The following BEND6 variants were observed in gnomAD, a reference collection of about 807,000 sequenced individuals.
BEND6 encodes BEN domain containing 6, also known as BEN domain-containing protein 6.
In BEND6, 24 loss-of-function variants were observed where a neutral mutation model predicts 31.8. The observed-to-expected ratio is 0.75, with a 90% CI of 0.55 to 1.06. The LOEUF is 1.06. Ranked by LOEUF, BEND6 falls within the 50% of genes least tolerant of loss-of-function variation. The pLI is 0.00. For synonymous variants in BEND6, 109 were observed against 114.6 expected (o/e 0.95, Z 0.31); for missense variants, 294 against 327.4 (o/e 0.90, Z 0.79).
chr6:56,970,478 A>C (rs938204695), intron 1 of BEND6, among the ~76,000 whole-genome samples: 1 of 152,126 alleles, frequency 6.6e-6, no homozygotes, highest in African/African-American at 2.4e-5. Flanking sequence ...CACTGCCCCA[A>C]CCACATATTG....
At chr6:56,976,518 T>C (rs1825882197) in intron 1 of BEND6, among the ~76,000 whole-genome samples, 1 of 150,552 alleles carries the variant, frequency 6.6e-6, no homozygotes, top group Non-Finnish European at 1.5e-5. Flanking sequence ...TAAGGCAGAG[T>C]GGAGTGTAGA....
At chr6:56,969,720 G>GT (rs1439042429) in intron 1 of BEND6, among the ~76,000 whole-genome samples, 2 of 151,162 alleles carry the variant, frequency 1.3e-5, no homozygotes, top group African/African-American at 4.9e-5. Context: ...GTTTCCTTAG[G>GT]TTTGGTGACT....
chr6:57,023,189 C>A (rs1287950889), intron 6 of BEND6, among the ~76,000 whole-genome samples: 2 of 152,140 alleles, frequency 1.3e-5, no homozygotes, highest in African/African-American at 2.4e-5. Context: ...AATTTTCTGT[C>A]TGGAGGATCT....
At chr6:57,008,051 A>G (rs1827222598) in intron 3 of BEND6, 1 of 652,922 alleles carries the variant, frequency 1.5e-6, no homozygotes, top group Non-Finnish European at 2.8e-6. Context: ...TCTACTGGTA[A>G]CTAATTTTGT....
At chr6:57,014,529 A>G (rs879453558) in intron 3 of BEND6, 2 of 1,510,424 alleles carry the variant, frequency 1.3e-6, no homozygotes, top group Admixed American at 2.3e-5. Context: ...TGAATGTGTA[A>G]GTTTCCATTT....
intron 6 of BEND6, among the ~76,000 whole-genome samples, chr6:57,020,688 C>T (rs1410998054): frequency 6.6e-6 from 1 of 152,066 alleles, no homozygotes; most frequent in East Asian, 1.9e-4. Flanking sequence ...TCCCAAAGTG[C>T]TGGGATTACA....
At chr6:56,965,614 A>G (rs932778476) in intron 1 of BEND6, among the ~76,000 whole-genome samples, 3 of 150,896 alleles carry the variant, frequency 2.0e-5, no homozygotes, top group Admixed American at 6.6e-5. Context: ...GTAAGCCTTG[A>G]TAGCGCCGCT....
chr6:56,977,894 C>A (rs1436849018), intron 1 of BEND6, among the ~76,000 whole-genome samples: 4 of 152,124 alleles, frequency 2.6e-5, no homozygotes, highest in African/African-American at 9.7e-5. Flanking sequence ...GAGGTCAAGG[C>A]TGAAGTGAGC....
chr6:56,971,913 T>A (rs2127845135), intron 1 of BEND6, among the ~76,000 whole-genome samples: 1 of 152,244 alleles, frequency 6.6e-6, no homozygotes, highest in South Asian at 2.1e-4. Flanking sequence ...GTTGCCTTTT[T>A]AACTCTGTTA....
At chr6:57,005,738 A>C (rs2127879936) in intron 3 of BEND6, among the ~76,000 whole-genome samples, 1 of 151,852 alleles carries the variant, frequency 6.6e-6, no homozygotes, top group African/African-American at 2.4e-5. Flanking sequence ...ATTCATCCCC[A>C]AAATAATCAA....
intron 6 of BEND6, among the ~76,000 whole-genome samples, chr6:57,023,367 T>C (rs890446253): frequency 6.6e-6 from 1 of 152,250 alleles, no homozygotes; most frequent in Admixed American, 6.5e-5. Context: ...TTCCTTATTA[T>C]TATAAGTGAC....
chr6:57,017,372 A>G lies in BEND6; in HGVS notation c.685A>G (p.Asn229Asp). 7.3e-7 allele frequency: 1 copy of G among 1,366,898 alleles called. No individual in the cohort carries two copies. The highest frequency in any genetic ancestry group is 2.3e-5 in the South Asian group (1 of 44,436). 84.7% of individuals were successfully genotyped at this position (1,366,898 alleles called of 1,614,324 possible). ...GGACAAAGCTGTAAAACCAGCTATG[A>G]ATCAGAATGAAGTCCAAGAAATCAT... ...SRDKAVKPAM[N>D]QNEVQEIIGV... is the part of the protein sequence containing the mutation. The change falls in exon 5 of 7, where the codon AAT becomes GAT. Residue 229 changes from asparagine to aspartate, a missense_variant. Physicochemically the swap from Asn to Asp is conservative, Grantham distance 23. Coordinates refer to ENST00000370746, the MANE Select transcript of BEND6 (RefSeq NM_152731.3).
At chr6:57,011,450 G>T (rs1004279018) in intron 3 of BEND6, among the ~76,000 whole-genome samples, 1 of 152,054 alleles carries the variant, frequency 6.6e-6, no homozygotes, top group South Asian at 2.1e-4. Context: ...GAAAAATTGG[G>T]CCTAGCAAAG....
intron 3 of BEND6, chr6:57,004,637 T>C: frequency 8.9e-7 from 1 of 1,120,238 alleles, no homozygotes; most frequent in Non-Finnish European, 1.3e-6. Flanking sequence ...CTACGTGGGC[T>C]GAATGCAATG....
At position 57,017,409 on chromosome 6, in the gene BEND6, T is replaced by C. The variant is rs1373683031; in HGVS notation, c.712+10T>C. The C allele has an allele frequency of 7.5e-7, 1 of 1,337,402 alleles. No individual in the cohort carries two copies. The highest frequency in any genetic ancestry group is 9.7e-7 in the Non-Finnish European group (1 of 1,033,374). The allele number at this position is 1,337,402 out of a possible 1,614,324, so 82.8% of individuals were successfully genotyped here. On this transcript the variant is annotated intron_variant, in intron 5 of 6. Transcript: ENST00000370746. ...GTCCAAGAAATCATAGGTGATAATA[T>C]GATTGCGTTATATTGTCGTATGAAT...
intron 1 of BEND6, among the ~76,000 whole-genome samples, chr6:56,964,175 A>G (rs866482538): frequency 2.6e-5 from 4 of 152,034 alleles, no homozygotes; most frequent in Non-Finnish European, 5.9e-5. Flanking sequence ...TGGAGCTAGG[A>G]TTATGAATCA....
intron 1 of BEND6, among the ~76,000 whole-genome samples, chr6:56,957,655 A>G (rs1164408805): frequency 6.6e-6 from 1 of 152,208 alleles, no homozygotes; most frequent in Non-Finnish European, 1.5e-5. Flanking sequence ...GAGGATAGGG[A>G]TGGAGGGGGA....
chr6:56,977,413 C>G (rs1400521684), intron 1 of BEND6, among the ~76,000 whole-genome samples: 1 of 151,888 alleles, frequency 6.6e-6, no homozygotes, highest in East Asian at 1.9e-4. Context: ...TTCAAAGAAA[C>G]TGAGAAAATA....
intron 5 of BEND6, among the ~76,000 whole-genome samples, chr6:57,017,822 A>AT (rs1421497202): frequency 6.6e-6 from 1 of 152,140 alleles, no homozygotes. Context: ...TATCCAATTA[A>AT]TTTTTTGGCA....
Sources: allele counts gnomAD v4.1 joint callset (sites outside exome capture counted in the v4.1 genomes callset), GRCh38; gene constraint gnomAD v4.1.1; transcripts MANE v1.5; gene names NCBI Gene and HGNC (gene_info 2026-07-23, HGNC 2026-07-21).